SATB2: variants seen among roughly 807,000 people sequenced by gnomAD.
SATB2 encodes SATB homeobox 2.
A neutral mutation model predicts 73.4 loss-of-function variants in SATB2; 1 was observed. The observed-to-expected ratio is 0.01, with a 90% confidence interval of 0.00 to 0.06. SATB2 has a LOEUF of 0.06. Ranked by LOEUF, SATB2 falls within the 10% of genes least tolerant of loss-of-function variation. The pLI, the probability that SATB2 is intolerant of heterozygous loss-of-function variation, is 1.00. For synonymous variants in SATB2, 397 were observed against 367.0 expected (o/e 1.08, Z -0.93); for missense variants, 459 against 945.8 (o/e 0.49, Z 6.75).
intron 3 of SATB2, among the ~76,000 whole-genome samples, chr2:199,399,977 G>A (rs1470095200): frequency 6.6e-6 from 1 of 152,186 alleles, no homozygotes; most frequent in Non-Finnish European, 1.5e-5. Context: ...TTACAAGGAT[G>A]TTAAATGGCA....
intron 3 of SATB2, among the ~76,000 whole-genome samples, chr2:199,407,584 G>C (rs927850016): frequency 1.3e-5 from 2 of 152,070 alleles, no homozygotes; most frequent in African/African-American, 4.8e-5. Flanking sequence ...AAAAACACAG[G>C]ACAACTGCTG....
intron 3 of SATB2, chr2:199,397,113 A>G (rs1193625287): frequency 3.3e-5 from 5 of 152,232 alleles, no homozygotes; most frequent in Non-Finnish European, 7.4e-5. Context: ...GATATTCACA[A>G]TCCTCTCTAG....
chr2:199,336,492 T>A (rs1688341974), intron 7 of SATB2, among the ~76,000 whole-genome samples: 2 of 152,160 alleles, frequency 1.3e-5, no homozygotes, highest in South Asian at 4.1e-4. Context: ...ACAAATACAT[T>A]TATTGAATAT....
intron 8 of SATB2, among the ~76,000 whole-genome samples, chr2:199,328,272 G>C (rs1372836377): frequency 6.6e-6 from 1 of 152,172 alleles, no homozygotes; most frequent in African/African-American, 2.4e-5. Context: ...CATGGACGGT[G>C]GCTCACGCCT....
chr2:199,396,392 T>C (rs1015854539), intron 3 of SATB2: 1 of 152,062 alleles, frequency 6.6e-6, no homozygotes. Flanking sequence ...TTGCCCAGAG[T>C]GGATATCCTT....
intron 5 of SATB2, among the ~76,000 whole-genome samples, chr2:199,373,085 C>T (rs2105855996): frequency 6.6e-6 from 1 of 152,198 alleles, no homozygotes; most frequent in East Asian, 1.9e-4. Flanking sequence ...ACATAATACA[C>T]TTGTTATGAA....
intron 7 of SATB2, among the ~76,000 whole-genome samples, chr2:199,338,848 C>T (rs1574521317): frequency 6.8e-6 from 1 of 147,588 alleles, no homozygotes; most frequent in African/African-American, 2.5e-5. Context: ...ACCTAGGAGG[C>T]AGAGGTTGCA....
chr2:199,468,984 G>A (rs1380215965), upstream of SATB2: 1 of 152,284 alleles, frequency 6.6e-6, no homozygotes, highest in Non-Finnish European at 1.5e-5. Flanking sequence ...CAGGGCCGGT[G>A]AACCCGATTC....
chr2:199,358,510 A>G (rs1315750008), intron 6 of SATB2, among the ~76,000 whole-genome samples: 2 of 152,130 alleles, frequency 1.3e-5, no homozygotes, highest in Non-Finnish European at 2.9e-5. Context: ...ACCAAACCCA[A>G]AGATTTTGTT....
chr2:199,364,588 C>T (rs1198509233), intron 6 of SATB2, among the ~76,000 whole-genome samples: 2 of 152,084 alleles, frequency 1.3e-5, no homozygotes, highest in African/African-American at 2.4e-5. Context: ...GATAATTTTG[C>T]ACTCTGGCCA....
chr2:199,458,419 C>T (rs1467753841), upstream of SATB2: 3 of 378,332 alleles, frequency 7.9e-6, no homozygotes, highest in South Asian at 3.6e-5. Context: ...ACCTCATGCA[C>T]GAGGCGGCGA....
chr2:199,399,529 T>C (rs765614208), intron 3 of SATB2, among the ~76,000 whole-genome samples: 2 of 152,184 alleles, frequency 1.3e-5, no homozygotes, highest in Non-Finnish European at 2.9e-5. Context: ...TGTCCTCACA[T>C]TGCTACAAAG....
At chr2:199,356,561 A>T (rs1046531403) in intron 6 of SATB2, among the ~76,000 whole-genome samples, 3 of 151,620 alleles carry the variant, frequency 2.0e-5, no homozygotes, top group East Asian at 1.9e-4. Flanking sequence ...AGAGAAATTT[A>T]AAAAATGTGC....
intron 7 of SATB2, among the ~76,000 whole-genome samples, chr2:199,331,985 C>T (rs747618668): frequency 1.3e-5 from 2 of 151,968 alleles, no homozygotes; most frequent in Admixed American, 1.3e-4. Context: ...TTGGACATTC[C>T]CATTATGCAG....
intron 3 of SATB2, among the ~76,000 whole-genome samples, chr2:199,386,714 GCGCACACACACACACACA>G (rs1310650544): frequency 0.14 from 3,073 of 22,544 alleles, 80 homozygotes; most frequent in Middle Eastern, 0.22. Context: ...GCGCGCGCGC[GCGCACACACACACACACA>G]CACACACACA....
upstream of SATB2, among the ~76,000 whole-genome samples, chr2:199,461,449 C>T (rs1312738731): frequency 6.6e-6 from 1 of 152,144 alleles, no homozygotes; most frequent in Non-Finnish European, 1.5e-5. Flanking sequence ...TTTTGTATCC[C>T]TCAAAAGGTT....
At chr2:199,449,900 A>G (rs1692073959) in intron 2 of SATB2, among the ~76,000 whole-genome samples, 1 of 152,170 alleles carries the variant, frequency 6.6e-6, no homozygotes, top group African/African-American at 2.4e-5. Flanking sequence ...CATTCATTTA[A>G]AAATTGCTAC....
intron 10 of SATB2, among the ~76,000 whole-genome samples, chr2:199,277,576 C>T (rs1692355514): frequency 6.6e-6 from 1 of 152,084 alleles, no homozygotes; most frequent in Non-Finnish European, 1.5e-5. Flanking sequence ...ACAACAAATT[C>T]ATTTCTGTAA....
chr2:199,407,205 G>A (rs1224647308), intron 3 of SATB2, among the ~76,000 whole-genome samples: 4 of 145,482 alleles, frequency 2.7e-5, no homozygotes, highest in Non-Finnish European at 5.9e-5. Context: ...AGAATCACTT[G>A]AACCCGGGAG....
Sources: allele counts gnomAD v4.1 joint callset (sites outside exome capture counted in the v4.1 genomes callset), GRCh38; gene constraint gnomAD v4.1.1; transcripts MANE v1.5; gene names NCBI Gene and HGNC (gene_info 2026-07-23, HGNC 2026-07-21).